KDM4C: variants seen among roughly 807,000 people sequenced by gnomAD.
KDM4C encodes lysine-specific demethylase 4C.
Under a neutral mutation model 129.3 loss-of-function variants are expected in KDM4C, and 81 were observed. The ratio of observed to expected loss-of-function variants is 0.63; its 90% CI spans 0.52 to 0.75. The LOEUF (loss-of-function observed/expected upper bound fraction) is 0.75, where lower values mean the gene tolerates loss of function less well. Among genes scored for constraint, KDM4C ranks in the 30% least tolerant of loss-of-function variants. KDM4C has a pLI of 0.00. For missense variants in KDM4C, 1,457 were observed against 1,304.0 expected (o/e 1.12, Z -1.81); for synonymous variants, 573 against 456.1 (o/e 1.26, Z -3.26).
chr9:7,020,911 T>C (rs1459985998), intron 15 of KDM4C, among the ~76,000 whole-genome samples: 1 of 99,800 alleles, frequency 1.0e-5, no homozygotes, highest in Non-Finnish European at 1.9e-5. Flanking sequence ...TTATTCATTT[T>C]CCTTTTTTTT....
At chr9:7,105,501 G>C (rs137987155) in intron 18 of KDM4C, 35 of 469,950 alleles carry the variant, frequency 7.4e-5, no homozygotes, top group African/African-American at 2.4e-4. Context: ...ACTGGGCCAC[G>C]TGAGTAGTGT....
chr9:6,852,321 T>G (rs1009227064), intron 5 of KDM4C, among the ~76,000 whole-genome samples: 1 of 152,200 alleles, frequency 6.6e-6, no homozygotes, highest in East Asian at 1.9e-4. Context: ...GAGGGCCCAG[T>G]AATCAGGGCT....
At chr9:7,095,811 G>A (rs1023510678) in intron 17 of KDM4C, among the ~76,000 whole-genome samples, 6 of 152,270 alleles carry the variant, frequency 3.9e-5, no homozygotes, top group African/African-American at 1.4e-4. Context: ...AAGGGACGGT[G>A]ACTTTTGTTA....
chr9:7,008,204 T>C (rs1340998851), intron 12 of KDM4C, among the ~76,000 whole-genome samples: 2 of 152,066 alleles, frequency 1.3e-5, no homozygotes, highest in Non-Finnish European at 2.9e-5. Flanking sequence ...CAGATCCCAA[T>C]CTAAGGTCCG....
intron 17 of KDM4C, among the ~76,000 whole-genome samples, chr9:7,060,812 A>AT (rs74640430): frequency 0.089 from 13,605 of 152,118 alleles, 856 homozygotes; most frequent in East Asian, 0.26. Flanking sequence ...TAGACTTTTG[A>AT]TGTAGCAGTT....
chr9:6,930,209 A>G (rs1301119915), intron 8 of KDM4C, among the ~76,000 whole-genome samples: 1 of 152,156 alleles, frequency 6.6e-6, no homozygotes, highest in Non-Finnish European at 1.5e-5. Context: ...ACTGATGGGA[A>G]CTACTCCAGG....
At chr9:6,757,949 C>T (rs1057472329), upstream of KDM4C, 5 of 985,400 alleles carry the variant, frequency 5.1e-6, no homozygotes, top group East Asian at 3.4e-4. Flanking sequence ...GGTCACGTGA[C>T]GGCGCGCGCG....
chr9:6,794,100 C>A (rs1216879031), intron 2 of KDM4C, among the ~76,000 whole-genome samples: 2 of 152,196 alleles, frequency 1.3e-5, no homozygotes, highest in Non-Finnish European at 2.9e-5. Context: ...CTACATTTGC[C>A]TATTCTCTTT....
intron 8 of KDM4C, among the ~76,000 whole-genome samples, chr9:6,899,597 C>A (rs1468589108): frequency 1.3e-5 from 2 of 151,524 alleles, no homozygotes; most frequent in Admixed American, 6.6e-5. Flanking sequence ...TGAGAAACCT[C>A]TACCTCTGGA....
In KDM4C at chr9:7,170,076, T is replaced by C. The variant is rs1221552972; in HGVS notation, c.2994+186T>C. 5 of 1,498,434 alleles carry C rather than the reference T, an allele frequency of 3.3e-6. No homozygotes were observed. The Admixed American group carries it at 6.3e-5, about 19-fold the overall frequency. The allele number at this position is 1,498,434 out of a possible 1,614,324, so 92.8% of individuals were successfully genotyped here. ...CAAATTCAACCAAAATCGGGGAAAT[T>C]AATGCATGTGCTTTACTTTTCTTCT... is the stretch of plus-strand genomic sequence containing the variant. On this transcript the variant is annotated intron_variant, in intron 21 of 21. Transcript: ENST00000381309.
chr9:7,009,566 A>T (rs76865122), intron 12 of KDM4C, among the ~76,000 whole-genome samples: 2,661 of 152,294 alleles, frequency 0.017, 66 homozygotes, highest in Admixed American at 0.063. Flanking sequence ...TAGTCAATAT[A>T]ATGATTCCTT....
chr9:6,934,705 G>T (rs568226702), intron 8 of KDM4C, among the ~76,000 whole-genome samples: 1 of 151,568 alleles, frequency 6.6e-6, no homozygotes, highest in Non-Finnish European at 1.5e-5. Context: ...CTCGTGATCC[G>T]CCCACCTCGG....
At chr9:6,835,413 GCCCA>G in intron 4 of KDM4C, 1 of 1,157,110 alleles carries the variant, frequency 8.6e-7, no homozygotes, top group Non-Finnish European at 1.3e-6. Context: ...CCGCCCTGGC[GCCCA>G]GCACGATGAA....
chr9:6,947,065 A>C (rs1827099081), intron 8 of KDM4C, among the ~76,000 whole-genome samples: 1 of 152,162 alleles, frequency 6.6e-6, no homozygotes, highest in Non-Finnish European at 1.5e-5. Context: ...AAAATGTCGT[A>C]CTTTTGTAAA....
At chr9:7,063,012 T>A (rs1464696023) in intron 17 of KDM4C, among the ~76,000 whole-genome samples, 1 of 152,248 alleles carries the variant, frequency 6.6e-6, no homozygotes. Context: ...AATTAAATTT[T>A]TGTATAAATA....
intron 19 of KDM4C, among the ~76,000 whole-genome samples, chr9:7,148,195 T>TG (rs1433510001): frequency 6.6e-6 from 1 of 152,238 alleles, no homozygotes; most frequent in Non-Finnish European, 1.5e-5. Flanking sequence ...CCCAAAAGCT[T>TG]GGAGACGCCA....
chr9:6,978,424 G>C (rs1444329602), intron 8 of KDM4C, among the ~76,000 whole-genome samples: 1 of 152,126 alleles, frequency 6.6e-6, no homozygotes, highest in African/African-American at 2.4e-5. Flanking sequence ...GAAAAATTTA[G>C]TATAGGTGGG....
chr9:6,974,288 T>C (rs771402406), intron 8 of KDM4C, among the ~76,000 whole-genome samples: 14 of 152,216 alleles, frequency 9.2e-5, no homozygotes, highest in Non-Finnish European at 1.6e-4. Context: ...AACATTTTAA[T>C]AAAAACATTT....
intron 17 of KDM4C, among the ~76,000 whole-genome samples, chr9:7,059,661 A>T (rs1316104912): frequency 6.6e-6 from 1 of 152,206 alleles, no homozygotes; most frequent in African/African-American, 2.4e-5. Context: ...GTCTTCATAT[A>T]CTTCAACCAA....
Sources: allele counts gnomAD v4.1 joint callset (sites outside exome capture counted in the v4.1 genomes callset), GRCh38; gene constraint gnomAD v4.1.1; transcripts MANE v1.5; gene names NCBI Gene and HGNC (gene_info 2026-07-23, HGNC 2026-07-21).